Variants in RTL4 observed in about 807,000 individuals in gnomAD.
RTL4 encodes the protein retrotransposon Gag-like protein 4.
Under a neutral mutation model 5.3 loss-of-function variants are expected in RTL4, and 4 were observed. The ratio of observed to expected loss-of-function variants is 0.75; its 90% CI spans 0.37 to 1.72. The LOEUF (loss-of-function observed/expected upper bound fraction) is 1.72. Ranked by LOEUF, RTL4 falls within the 40% of genes most tolerant of loss-of-function variation. RTL4 has a pLI of 0.04. For synonymous variants in RTL4, 98 were observed against 87.3 expected (o/e 1.12, Z -0.68); for missense variants, 260 against 227.1 (o/e 1.14, Z -0.93).
chrX:112,322,918 A>G, the RTL4 span, among the ~76,000 whole-genome samples: 31 of 111,933 alleles, frequency 2.8e-4, no homozygotes, highest in Non-Finnish European at 4.1e-4. Flanking sequence ...TAGATGTACT[A>G]TAATTTATTC....
At chrX:112,332,768 C>T in the RTL4 span, among the ~76,000 whole-genome samples, 4 of 110,001 alleles carry the variant, frequency 3.6e-5, no homozygotes, top group African/African-American at 1.3e-4. Flanking sequence ...CAACATGGCA[C>T]ATGTACACAT....
the RTL4 span, among the ~76,000 whole-genome samples, chrX:112,224,552 G>C: frequency 9.1e-6 from 1 of 109,786 alleles, no homozygotes; most frequent in Admixed American, 9.9e-5. Context: ...ATGCTGCCCA[G>C]GCTAGTCTCA....
the RTL4 span, among the ~76,000 whole-genome samples, chrX:112,230,578 T>A: frequency 8.9e-6 from 1 of 112,266 alleles, no homozygotes; most frequent in Non-Finnish European, 1.9e-5. Flanking sequence ...CAGTTGGAAA[T>A]GCAGAAATCA....
At chrX:112,131,219 C>CTTTTTT in the RTL4 span, among the ~76,000 whole-genome samples, 4 of 99,562 alleles carry the variant, frequency 4.0e-5, no homozygotes, top group African/African-American at 1.5e-4. Context: ...ATGTAAATAC[C>CTTTTTT]TTTTTTTTTT....
chrX:112,284,550 G>A, the RTL4 span, among the ~76,000 whole-genome samples: 1 of 111,527 alleles, frequency 9.0e-6, no homozygotes, highest in Middle Eastern at 4.6e-3. Flanking sequence ...GGGGCCAGCA[G>A]TCAAGGTTCT....
the RTL4 span, among the ~76,000 whole-genome samples, chrX:112,106,050 T>C: frequency 8.9e-6 from 1 of 111,920 alleles, no homozygotes; most frequent in Non-Finnish European, 1.9e-5. Flanking sequence ...TTGAAGCACA[T>C]GTCTTCTACT....
chrX:112,203,911 T>C, the RTL4 span, among the ~76,000 whole-genome samples: 1 of 112,651 alleles, frequency 8.9e-6, no homozygotes, highest in African/African-American at 3.2e-5. Context: ...TTTCCAATTA[T>C]TGAGGTCTTT....
the RTL4 span, among the ~76,000 whole-genome samples, chrX:112,381,135 T>G: frequency 1.8e-5 from 2 of 110,037 alleles, no homozygotes; most frequent in East Asian, 5.8e-4. Flanking sequence ...TACGGGAGCT[T>G]TCCGCACTTG....
chrX:112,370,627 T>C, the RTL4 span, among the ~76,000 whole-genome samples: 1 of 111,488 alleles, frequency 9.0e-6, no homozygotes, highest in Admixed American at 9.5e-5. Flanking sequence ...CCCTGAATTT[T>C]GAGAAGAGCA....
chrX:112,181,225 C>T, the RTL4 span, among the ~76,000 whole-genome samples: 1 of 111,603 alleles, frequency 9.0e-6, no homozygotes, highest in African/African-American at 3.3e-5. Context: ...ACACCAGGGC[C>T]CTGGGTTTCA....
At chrX:112,214,217 A>C in the RTL4 span, among the ~76,000 whole-genome samples, 2 of 111,380 alleles carry the variant, frequency 1.8e-5, no homozygotes, top group Admixed American at 9.6e-5. Flanking sequence ...CTCTTTCTCT[A>C]TGAATGTAAC....
the RTL4 span, among the ~76,000 whole-genome samples, chrX:112,220,275 T>C: frequency 2.7e-5 from 3 of 112,794 alleles, no homozygotes; most frequent in East Asian, 8.3e-4. Flanking sequence ...TCACAATATA[T>C]ATATTTTTAA....
At chrX:112,103,880 C>T in the RTL4 span, among the ~76,000 whole-genome samples, 1 of 111,130 alleles carries the variant, frequency 9.0e-6, no homozygotes, top group African/African-American at 3.3e-5. Flanking sequence ...TGCATTACCT[C>T]ATATATGTAT....
chrX:112,310,851 C>T, the RTL4 span, among the ~76,000 whole-genome samples: 1 of 84,754 alleles, frequency 1.2e-5, no homozygotes, highest in East Asian at 3.4e-4. Context: ...ATATAAAATA[C>T]ATTATATATA....
At chrX:112,309,276 G>T in the RTL4 span, among the ~76,000 whole-genome samples, 1 of 108,380 alleles carries the variant, frequency 9.2e-6, no homozygotes, top group South Asian at 3.9e-4. Flanking sequence ...GTCTCAAGTG[G>T]CAGAGATAGA....
At chrX:112,329,325 A>C in the RTL4 span, among the ~76,000 whole-genome samples, 3 of 111,507 alleles carry the variant, frequency 2.7e-5, no homozygotes, top group Non-Finnish European at 1.9e-5. Context: ...GATAAAGGGG[A>C]TATCACCACC....
chrX:112,276,590 A>G, the RTL4 span, among the ~76,000 whole-genome samples: 1 of 111,976 alleles, frequency 8.9e-6, no homozygotes, highest in African/African-American at 3.2e-5. Flanking sequence ...CCTGGATGCA[A>G]TGGTCTTCTC....
At chrX:112,241,910 A>G in the RTL4 span, among the ~76,000 whole-genome samples, 1 of 112,324 alleles carries the variant, frequency 8.9e-6, no homozygotes, top group African/African-American at 3.2e-5. Flanking sequence ...AGCTTTCTAC[A>G]TATGGCTAGC....
At chrX:112,333,326 T>G in the RTL4 span, among the ~76,000 whole-genome samples, 1 of 110,879 alleles carries the variant, frequency 9.0e-6, no homozygotes, top group African/African-American at 3.3e-5. Context: ...AAGATTATAG[T>G]TAATAATTGT....
Sources: allele counts gnomAD v4.1 joint callset (sites outside exome capture counted in the v4.1 genomes callset), GRCh38; gene constraint gnomAD v4.1.1; transcripts MANE v1.5; gene names NCBI Gene and HGNC (gene_info 2026-07-23, HGNC 2026-07-21).